Variants in ENTPD1 observed in about 807,000 individuals in gnomAD.
ENTPD1 encodes the protein ectonucleoside triphosphate diphosphohydrolase 1.
Under a neutral mutation model 57.0 loss-of-function variants are expected in ENTPD1, and 33 were observed. The ratio of observed to expected loss-of-function variants is 0.58; its 90% CI spans 0.44 to 0.77. The LOEUF is 0.77. Ranked by LOEUF, ENTPD1 falls within the 30% of genes least tolerant of loss-of-function variation. ENTPD1 has a pLI of 0.00. For synonymous variants in ENTPD1, 202 were observed against 218.8 expected (o/e 0.92, Z 0.68); for missense variants, 501 against 603.4 (o/e 0.83, Z 1.78).
intron 1 of ENTPD1, among the ~76,000 whole-genome samples, chr10:95,735,590 A>ATTTG (rs1216291054): frequency 6.6e-6 from 1 of 152,168 alleles, no homozygotes; most frequent in African/African-American, 2.4e-5. Context: ...TTATTTATTT[A>ATTTG]TTTGTTTGTT....
At chr10:95,858,038 A>G (rs976511165) in intron 7 of ENTPD1, among the ~76,000 whole-genome samples, 15 of 151,864 alleles carry the variant, frequency 9.9e-5, no homozygotes, top group African/African-American at 2.9e-4. Flanking sequence ...GGCGCCTGTA[A>G]TCCCAGCTAC....
At chr10:95,709,687 T>C (rs2097963998), upstream of ENTPD1, among the ~76,000 whole-genome samples, 1 of 150,726 alleles carries the variant, frequency 6.6e-6, no homozygotes, top group Non-Finnish European at 1.5e-5. Context: ...CTGGGCCTCT[T>C]GTCTTTTCAT....
chr10:95,795,134 T>C (rs947433745), intron 1 of ENTPD1, among the ~76,000 whole-genome samples: 5 of 152,138 alleles, frequency 3.3e-5, no homozygotes, highest in Admixed American at 2.0e-4. Context: ...AGGAGTCTTC[T>C]GTGGGAGGGC....
At chr10:95,764,718 A>ATTTTTTTT (rs34082135) in intron 1 of ENTPD1, among the ~76,000 whole-genome samples, 1 of 103,568 alleles carries the variant, frequency 9.7e-6, no homozygotes, top group Non-Finnish European at 1.8e-5. Context: ...TCCTTTGCCC[A>ATTTTTTTT]TTTTTTTTTT....
intron 1 of ENTPD1, among the ~76,000 whole-genome samples, chr10:95,822,852 A>G (rs995344820): frequency 3.3e-5 from 5 of 152,216 alleles, no homozygotes; most frequent in Non-Finnish European, 7.3e-5. Context: ...TTAACATCAT[A>G]AACATTTTGT....
chr10:95,820,032 A>T (rs2140521225), intron 1 of ENTPD1, among the ~76,000 whole-genome samples: 1 of 152,280 alleles, frequency 6.6e-6, no homozygotes. Context: ...GTCTAAGAAG[A>T]AGGGGCAGTT....
intron 1 of ENTPD1, among the ~76,000 whole-genome samples, chr10:95,800,597 A>G (rs1431010826): frequency 6.6e-6 from 1 of 152,162 alleles, no homozygotes; most frequent in Non-Finnish European, 1.5e-5. Context: ...TAAGACAGAC[A>G]TTCCCAGAGT....
intron 1 of ENTPD1, among the ~76,000 whole-genome samples, chr10:95,793,064 C>A (rs984571818): frequency 6.6e-6 from 1 of 152,180 alleles, no homozygotes; most frequent in African/African-American, 2.4e-5. Flanking sequence ...CAGCTGAAAC[C>A]TCCTGAAGTG....
In ENTPD1 at chr10:95,876,655, G is replaced by A. The variant is rs1048929795; in HGVS notation, c.*10272G>A. 8.2e-7 allele frequency: 1 copy of A among 1,226,898 alleles called. No homozygotes were observed. Among genetic ancestry groups the A allele is most frequent in the African/African-American group, 1.6e-5 (1 of 64,276 alleles). The allele number at this position is 1,226,898 out of a possible 1,614,324, so 76.0% of individuals were successfully genotyped here. A position where few individuals can be genotyped will look rare whatever the true frequency, so the allele number is the denominator to read the frequency against. On this transcript the variant is annotated 3_prime_UTR_variant, in exon 10 of 10. Transcript: ENST00000371205. ...ATGTATTTGGCTGTCTTCTGGACAG[G>A]CCATTCTAATAACAGAAACAAACAA...
At chr10:95,830,518 G>T (rs747733693) in intron 2 of ENTPD1, among the ~76,000 whole-genome samples, 2 of 152,036 alleles carry the variant, frequency 1.3e-5, no homozygotes, top group African/African-American at 2.4e-5. Context: ...TCAAAATATT[G>T]TAGATCACCG....
intron 1 of ENTPD1, among the ~76,000 whole-genome samples, chr10:95,730,944 C>G (rs2097988465): frequency 6.6e-6 from 1 of 152,214 alleles, no homozygotes; most frequent in Admixed American, 6.5e-5. Flanking sequence ...GGAAACAGCC[C>G]ATGCTGCTAA....
intron 1 of ENTPD1, among the ~76,000 whole-genome samples, chr10:95,768,989 C>G (rs1196477548): frequency 6.6e-6 from 1 of 152,188 alleles, no homozygotes; most frequent in Non-Finnish European, 1.5e-5. Flanking sequence ...CCATGGCTCC[C>G]TTAGGTTCTG....
At chr10:95,725,537 G>A (rs146729387) in intron 1 of ENTPD1, among the ~76,000 whole-genome samples, 1 of 152,268 alleles carries the variant, frequency 6.6e-6, no homozygotes, top group Non-Finnish European at 1.5e-5. Flanking sequence ...TCTCTGTGGT[G>A]TGTAGCTACT....
intron 1 of ENTPD1, among the ~76,000 whole-genome samples, chr10:95,757,893 C>T (rs1400277600): frequency 1.3e-5 from 2 of 150,592 alleles, no homozygotes; most frequent in African/African-American, 2.4e-5. Context: ...TAGTCCCAGC[C>T]ACTTGGAAGG....
Position 95,823,302 on chromosome 10 carries a change from G to T in ENTPD1, c.82G>T (p.Ala28Ser). Residue 28 changes from alanine to serine, a missense_variant, in exon 2 of 10, where the codon GCT (alanine) becomes TCT (serine). By Grantham distance (99) the Ala-to-Ser change is moderately conservative. Coordinates refer to ENST00000371205, the MANE Select transcript of ENTPD1 (RefSeq NM_001776.6). ...LAILGFSSII[A>S]VIALLAVGLT... ...CATCCTTGGCTTCTCCTCTATCATA[G>T]CTGTGATAGCTTTGCTTGCTGTGGG... The T allele has an allele frequency of 6.2e-7, 1 of 1,614,178 alleles. No individual in the cohort carries two copies. Among genetic ancestry groups the T allele is most frequent in the East Asian group, 2.2e-5 (1 of 44,878 alleles).
the ENTPD1 span, among the ~76,000 whole-genome samples, chr10:95,705,234 G>A: frequency 6.6e-6 from 1 of 151,614 alleles, no homozygotes; most frequent in Non-Finnish European, 1.5e-5. Flanking sequence ...CATACCCTAT[G>A]ACCCAGCAAA....
intron 1 of ENTPD1, among the ~76,000 whole-genome samples, chr10:95,787,830 C>CA (rs1042231610): frequency 5.3e-5 from 8 of 151,574 alleles, no homozygotes; most frequent in South Asian, 2.1e-4. Flanking sequence ...AGAGTATTAA[C>CA]AAAAAAAAGT....
chr10:95,839,554 T>G (rs2098418268), intron 2 of ENTPD1, 137 bp from the exon 3 acceptor site: 1 of 853,436 alleles, frequency 1.2e-6, no homozygotes, highest in South Asian at 1.4e-5. Context: ...TCGGAGTGAC[T>G]CCAGTGCCAT....
In ENTPD1 at chr10:95,872,225, T is replaced by C. The variant is rs763348304; in HGVS notation, c.*5842T>C. 1.1e-4 allele frequency: 113 copies of C among 985,344 alleles called. No homozygotes were observed. Among genetic ancestry groups the C allele is most frequent in the Non-Finnish European group, 9.8e-5 (81 of 829,952 alleles). The allele number at this position is 985,344 out of a possible 1,614,324, so 61.0% of individuals were successfully genotyped here. ...TAATCTTTGCAAAGCACAGGCTTAA[T>C]TTCATTGCTGCTCAACTAAAACCAC... On this transcript the variant is annotated 3_prime_UTR_variant, in exon 10 of 10. Transcript: ENST00000371205.
Sources: allele counts gnomAD v4.1 joint callset (sites outside exome capture counted in the v4.1 genomes callset), GRCh38; gene constraint gnomAD v4.1.1; transcripts MANE v1.5; gene names NCBI Gene and HGNC (gene_info 2026-07-23, HGNC 2026-07-21).